INTS9: variants seen among roughly 807,000 people sequenced by gnomAD.
INTS9 encodes the protein integrator complex subunit 9, also known as protein related to CPSF subunits of 74 kDa.
In INTS9, 55 loss-of-function variants were observed where a neutral mutation model predicts 79.7. The observed-to-expected ratio is 0.69, with a 90% CI of 0.56 to 0.86. The LOEUF (loss-of-function observed/expected upper bound fraction) is 0.86. Among genes scored for constraint, INTS9 ranks in the 40% least tolerant of loss-of-function variants. INTS9 has a pLI of 0.00. For missense variants in INTS9, 721 were observed against 831.5 expected (o/e 0.87, Z 1.64); for synonymous variants, 319 against 325.2 (o/e 0.98, Z 0.20).
intron 1 of INTS9, among the ~76,000 whole-genome samples, chr8:28,875,567 C>T (rs1000639272): frequency 4.6e-5 from 7 of 151,946 alleles, no homozygotes; most frequent in South Asian, 2.1e-4. Context: ...TGTGTGCCAT[C>T]GTGGTTTGCT....
chr8:28,796,678 G>A (rs1208946005), intron 8 of INTS9, 23 bp from the exon 9 acceptor site: 6 of 1,421,892 alleles, frequency 4.2e-6, no homozygotes, highest in Non-Finnish European at 6.0e-6. Flanking sequence ...ACAGAAATAT[G>A]GTTAGTAATT....
chr8:28,879,985 A>G (rs994163501), intron 1 of INTS9, among the ~76,000 whole-genome samples: 1 of 152,114 alleles, frequency 6.6e-6, no homozygotes, highest in Non-Finnish European at 1.5e-5. Context: ...GAAATCTACT[A>G]AAAGTCATTG....
chr8:28,839,811 A>C (rs1227468749), intron 4 of INTS9, among the ~76,000 whole-genome samples: 2 of 151,486 alleles, frequency 1.3e-5, no homozygotes, highest in East Asian at 3.9e-4. Flanking sequence ...TAAAGACTTA[A>C]ACGTTAGACC....
intron 1 of INTS9, among the ~76,000 whole-genome samples, chr8:28,884,964 T>C (rs1238057359): frequency 6.6e-6 from 1 of 152,218 alleles, no homozygotes; most frequent in Non-Finnish European, 1.5e-5. Flanking sequence ...AAGGTGAGGA[T>C]TAACCACGCC....
rs1159515384 is a variant in INTS9 at position 28,837,866 on chromosome 8, A to T, written c.262-90T>A. ...AAACGACGTTGTCAGAATGCAGAGA[A>T]GTAGTTTTTGTATTGCAGAATAATG... On this transcript the variant is annotated intron_variant, in intron 4 of 16. Transcript: ENST00000521022. 7 of 1,318,634 alleles carry T rather than the reference A, an allele frequency of 5.3e-6. No individual in the cohort carries two copies. The East Asian group carries it at 1.4e-4, about 27-fold the overall frequency. 81.7% of individuals were successfully genotyped at this position (1,318,634 alleles called of 1,614,324 possible). A position where few individuals can be genotyped will look rare whatever the true frequency, so the allele number is the denominator to read the frequency against.
Position 28,812,469 on chromosome 8 carries a change from A to G in INTS9, c.610-8T>C, listed in dbSNP as rs1166187712. 1 of 1,612,646 alleles carries G rather than the reference A, an allele frequency of 6.2e-7. No individual in the cohort carries two copies. The highest frequency in any genetic ancestry group is 8.5e-7 in the Non-Finnish European group (1 of 1,179,618). Reference sequence around the variant, plus strand: ...GACCGCACCAAAAAGCTCCTAAAAGAGAACCACAGTAAGAATGTGCAATGA... The same window carrying G: ...GACCGCACCAAAAAGCTCCTAAAAGGGAACCACAGTAAGAATGTGCAATGA... On this transcript the variant is annotated splice_region_variant and splice_polypyrimidine_tract_variant and intron_variant, in intron 7 of 16. Coordinates refer to ENST00000521022, the MANE Select transcript of INTS9 (RefSeq NM_018250.4).
intron 13 of INTS9, 84 bp downstream of exon 13, chr8:28,777,745 A>G: frequency 1.4e-6 from 2 of 1,407,436 alleles, no homozygotes; most frequent in Non-Finnish European, 1.9e-6. Flanking sequence ...ACACAGCTAG[A>G]TCTCTCTCCC....
At chr8:28,873,267 T>C (rs922724573) in intron 1 of INTS9, among the ~76,000 whole-genome samples, 1 of 152,160 alleles carries the variant, frequency 6.6e-6, no homozygotes, top group Non-Finnish European at 1.5e-5. Flanking sequence ...TTTCTTAAGG[T>C]TTCCTGAAGA....
At chr8:28,852,526 A>G (rs888984179) in intron 2 of INTS9, among the ~76,000 whole-genome samples, 3 of 152,338 alleles carry the variant, frequency 2.0e-5, no homozygotes, top group East Asian at 1.9e-4. Flanking sequence ...TGACAAGACA[A>G]TGTGGACACT....
intron 1 of INTS9, among the ~76,000 whole-genome samples, chr8:28,888,131 T>C (rs1810260685): frequency 6.6e-6 from 1 of 152,236 alleles, no homozygotes; most frequent in African/African-American, 2.4e-5. Context: ...TGGAAGGCCC[T>C]GGCTTACTTA....
chr8:28,775,738 C>G (rs1470822456), intron 14 of INTS9, 21 bp downstream of exon 14: 1 of 1,613,332 alleles, frequency 6.2e-7, no homozygotes, highest in Non-Finnish European at 8.5e-7. Context: ...TAGTTTAACC[C>G]TAGGAAGGAG....
intron 1 of INTS9, among the ~76,000 whole-genome samples, chr8:28,874,178 A>G (rs998100735): frequency 6.6e-6 from 1 of 152,102 alleles, no homozygotes; most frequent in South Asian, 2.1e-4. Context: ...CTGATTTCAC[A>G]TTCCAGTTTT....
At chr8:28,781,045 G>C in intron 11 of INTS9, 51 bp from the exon 12 acceptor site, 2 of 1,491,900 alleles carry the variant, frequency 1.3e-6, no homozygotes, top group Non-Finnish European at 1.8e-6. Context: ...CCAGGCTGAA[G>C]GGGGAACCAA....
intron 6 of INTS9, among the ~76,000 whole-genome samples, chr8:28,813,964 T>A (rs913617606): frequency 3.3e-5 from 5 of 151,876 alleles, no homozygotes; most frequent in African/African-American, 1.2e-4. Flanking sequence ...TTTCACCATG[T>A]TGGCCATGAT....
At chr8:28,847,539 C>G (rs180920126) in intron 3 of INTS9, among the ~76,000 whole-genome samples, 3 of 152,036 alleles carry the variant, frequency 2.0e-5, no homozygotes, top group Non-Finnish European at 4.4e-5. Flanking sequence ...ACTGCCACCA[C>G]GAATGTAATG....
chr8:28,784,133 T>C (rs1033415843), intron 11 of INTS9: 6 of 152,224 alleles, frequency 3.9e-5, no homozygotes, highest in African/African-American at 1.4e-4. Context: ...TCATGGGCAT[T>C]GGTAACATTA....
At position 28,813,504 on chromosome 8, in the gene INTS9, A is replaced by T; in HGVS notation, c.597T>A (p.Tyr199Ter). The T allele has an allele frequency of 1.2e-6, 2 of 1,613,548 alleles. No homozygotes were observed. The highest frequency in any genetic ancestry group is 1.7e-6 in the Non-Finnish European group (2 of 1,179,504). Reference sequence around the variant, plus strand: ...TATGAATACTCACAATTTTCTGAGAATATCCCACCAGCTGGATTTTACTAA... The same window carrying T: ...TATGAATACTCACAATTTTCTGAGATTATCCCACCAGCTGGATTTTACTAA... ...SALSKIQLVG[Y>*]SQKIELFGAV... Residue 199 changes from tyrosine to a stop codon, truncating the protein, a stop_gained, in exon 7 of 17, where the codon TAT (tyrosine) becomes TAA (stop). Coordinates refer to ENST00000521022, the MANE Select transcript of INTS9 (RefSeq NM_018250.4). LOFTEE classifies it high-confidence loss of function.
intron 3 of INTS9, among the ~76,000 whole-genome samples, chr8:28,849,545 G>A (rs982871095): frequency 6.6e-6 from 1 of 151,854 alleles, no homozygotes; most frequent in African/African-American, 2.4e-5. Flanking sequence ...TATCAGGACA[G>A]GTTGAAACGG....
At chr8:28,870,695 T>C (rs971102211) in intron 1 of INTS9, among the ~76,000 whole-genome samples, 1 of 152,204 alleles carries the variant, frequency 6.6e-6, no homozygotes, top group Non-Finnish European at 1.5e-5. Flanking sequence ...TCATAAAGCA[T>C]AGAGCAGAAA....
Sources: gnomAD v4.1 joint callset for allele counts (sites outside exome capture counted in the v4.1 genomes callset) on GRCh38, gnomAD v4.1.1 for gene constraint, MANE v1.5 for transcripts, NCBI Gene and HGNC (gene_info 2026-07-23, HGNC 2026-07-21) for gene names.